The following SLC38A12 variants were observed in gnomAD, a reference collection of about 807,000 sequenced individuals.
SLC38A12 encodes putative sodium-coupled neutral amino acid transporter 12.
chr17:74,827,090 C>T, the SLC38A12 span, among the ~76,000 whole-genome samples: 2 of 152,048 alleles, frequency 1.3e-5, no homozygotes, highest in Non-Finnish European at 2.9e-5. The surrounding 1 kb of genome is among the most constrained non-coding windows in gnomAD (Gnocchi z 4.7). Context: ...CAGTCCCCCT[C>T]GTTGGAGCAC....
chr17:74,832,054 G>A, the SLC38A12 span, among the ~76,000 whole-genome samples: 1 of 148,836 alleles, frequency 6.7e-6, no homozygotes, highest in South Asian at 2.2e-4. Flanking sequence ...CGCAGCCAGG[G>A]GAGGCAGGGA....
At chr17:74,792,019 G>A in the SLC38A12 span, among the ~76,000 whole-genome samples, 1 of 151,946 alleles carries the variant, frequency 6.6e-6, no homozygotes, top group Non-Finnish European at 1.5e-5. Context: ...GGTGGCAGGC[G>A]CCTGTAGTCC....
chr17:74,837,334 C>T, the SLC38A12 span: 3 of 985,524 alleles, frequency 3.0e-6, no homozygotes, highest in Non-Finnish European at 3.6e-6. Flanking sequence ...TCGCTGTGGG[C>T]GCGAGCTCCG....
At chr17:74,802,863 C>G in the SLC38A12 span, among the ~76,000 whole-genome samples, 1 of 152,078 alleles carries the variant, frequency 6.6e-6, no homozygotes, top group African/African-American at 2.4e-5. Flanking sequence ...GACTTCCTAC[C>G]CGCAGCAAGC....
At chr17:74,839,424 G>A in the SLC38A12 span, 70 of 316,106 alleles carry the variant, frequency 2.2e-4, 1 homozygote, top group East Asian at 2.5e-3. Flanking sequence ...TCCTGTCTGG[G>A]GGCAGATTCC....
chr17:74,791,492 T>C, the SLC38A12 span, among the ~76,000 whole-genome samples: 1 of 152,236 alleles, frequency 6.6e-6, no homozygotes, highest in Non-Finnish European at 1.5e-5. Flanking sequence ...AGCTTTTTCC[T>C]TTTCCTGCAA....
chr17:74,820,291 G>A, the SLC38A12 span, among the ~76,000 whole-genome samples: 4 of 152,214 alleles, frequency 2.6e-5, no homozygotes, highest in African/African-American at 7.2e-5. Context: ...AAAAGCCAGC[G>A]GGCCATGGCA....
the SLC38A12 span, among the ~76,000 whole-genome samples, chr17:74,807,442 G>A: frequency 5.9e-5 from 9 of 152,216 alleles, no homozygotes; most frequent in African/African-American, 1.7e-4. Flanking sequence ...GGCCTGTGGC[G>A]GGGCTTTGGC....
the SLC38A12 span, chr17:74,790,822 C>T: frequency 2.4e-5 from 14 of 573,730 alleles, 1 homozygote; most frequent in South Asian, 3.2e-4. Context: ...AAGCAGGAAA[C>T]ATTAGGAAAA....
At chr17:74,830,337 C>T in the SLC38A12 span, among the ~76,000 whole-genome samples, 1 of 152,236 alleles carries the variant, frequency 6.6e-6, no homozygotes, top group Non-Finnish European at 1.5e-5. Flanking sequence ...CCAGCGCCAC[C>T]TTTGCCGTTT....
chr17:74,802,923 T>C, the SLC38A12 span, among the ~76,000 whole-genome samples: 16 of 152,226 alleles, frequency 1.1e-4, no homozygotes, highest in South Asian at 3.3e-3. Flanking sequence ...ACTTACCTGG[T>C]TGCTCATCCC....
At chr17:74,809,947 G>A in the SLC38A12 span, among the ~76,000 whole-genome samples, 3 of 152,180 alleles carry the variant, frequency 2.0e-5, no homozygotes, top group Non-Finnish European at 4.4e-5. Flanking sequence ...GCTGGGCGAA[G>A]GGACGGGTCT....
chr17:74,829,078 G>GA, the SLC38A12 span, among the ~76,000 whole-genome samples: 2 of 152,070 alleles, frequency 1.3e-5, no homozygotes, highest in East Asian at 1.9e-4. The surrounding 1 kb of genome is among the most constrained non-coding windows in gnomAD (Gnocchi z 4.1). Flanking sequence ...AACATGTAAT[G>GA]AAAAAAATGA....
At chr17:74,837,942 G>A in the SLC38A12 span, 17 of 985,546 alleles carry the variant, frequency 1.7e-5, no homozygotes, top group Non-Finnish European at 2.0e-5. Flanking sequence ...ACCTCTCTGG[G>A]GTGGGTCTCA....
chr17:74,818,613 G>A, the SLC38A12 span, among the ~76,000 whole-genome samples: 2 of 152,150 alleles, frequency 1.3e-5, no homozygotes, highest in Non-Finnish European at 2.9e-5. Flanking sequence ...AGCTGTGATG[G>A]ATTCACCCAG....
chr17:74,790,314 C>T, the SLC38A12 span: 25 of 1,609,320 alleles, frequency 1.6e-5, no homozygotes, highest in African/African-American at 2.4e-4. Context: ...TTGGGGTTCT[C>T]GCGGGCCCGC....
the SLC38A12 span, chr17:74,791,104 C>T: frequency 7.1e-7 from 1 of 1,405,120 alleles, no homozygotes; most frequent in African/African-American, 1.4e-5. Flanking sequence ...GGCCTGCACC[C>T]TTGTAATGAG....
At chr17:74,795,182 C>T in the SLC38A12 span, 10 of 1,299,580 alleles carry the variant, frequency 7.7e-6, no homozygotes, top group Admixed American at 1.7e-5. Context: ...GGCAGAGTGT[C>T]CAGGGGAGAA....
At chr17:74,827,073 T>C in the SLC38A12 span, among the ~76,000 whole-genome samples, 4 of 152,200 alleles carry the variant, frequency 2.6e-5, 1 homozygote, top group South Asian at 4.1e-4. The surrounding 1 kb of genome is among the most constrained non-coding windows in gnomAD (Gnocchi z 4.7). Flanking sequence ...GGATCACTAG[T>C]ATCATCCAGT....
Sources: gnomAD v4.1 joint callset for allele counts (sites outside exome capture counted in the v4.1 genomes callset) on GRCh38, gnomAD v4.1.1 for gene constraint, Gnocchi (gnomAD v3.1) non-coding constraint, MANE v1.5 for transcripts, NCBI Gene and HGNC (gene_info 2026-07-23, HGNC 2026-07-21) for gene names.